Variants in DNM3 observed in about 807,000 individuals in gnomAD.
DNM3 encodes dynamin 3.
In DNM3, 47 loss-of-function variants were observed where a neutral mutation model predicts 101.6. The ratio of observed to expected loss-of-function variants is 0.46; its 90% CI spans 0.37 to 0.59. The LOEUF (loss-of-function observed/expected upper bound fraction) is 0.59, where lower values mean the gene tolerates loss of function less well. Among genes scored for constraint, DNM3 ranks in the 20% least tolerant of loss-of-function variants. DNM3 has a pLI of 0.00. For missense variants in DNM3, 849 were observed against 1,085.7 expected (o/e 0.78, Z 3.06); for synonymous variants, 385 against 387.9 (o/e 0.99, Z 0.09).
intron 17 of DNM3, among the ~76,000 whole-genome samples, chr1:172,357,277 G>A (rs1383595806): frequency 6.6e-6 from 1 of 151,990 alleles, no homozygotes; most frequent in African/African-American, 2.4e-5. Context: ...TCACCCGCAA[G>A]ATACTTATTA....
At chr1:172,139,194 C>A (rs2148140876) in intron 14 of DNM3, 1 of 291,760 alleles carries the variant, frequency 3.4e-6, no homozygotes, top group Non-Finnish European at 6.7e-6. Flanking sequence ...AAGTCCAATT[C>A]ATATTATTAC....
At chr1:171,944,297 G>A (rs949790022) in intron 2 of DNM3, among the ~76,000 whole-genome samples, 3 of 151,754 alleles carry the variant, frequency 2.0e-5, no homozygotes, top group Non-Finnish European at 4.4e-5. Flanking sequence ...AGATTGGGTT[G>A]GATTTAGCTC....
chr1:172,320,954 A>G (rs2065685348), intron 16 of DNM3, among the ~76,000 whole-genome samples: 1 of 152,190 alleles, frequency 6.6e-6, no homozygotes, highest in Non-Finnish European at 1.5e-5. Flanking sequence ...TATTAGCTGT[A>G]TATATAAGTG....
intron 17 of DNM3, among the ~76,000 whole-genome samples, chr1:172,343,210 G>A (rs1263113132): frequency 6.6e-6 from 1 of 152,154 alleles, no homozygotes; most frequent in Admixed American, 6.5e-5. Flanking sequence ...GAATAGAGAA[G>A]CTTTAACTAT....
At chr1:171,913,700 T>C (rs1038759137) in intron 1 of DNM3, among the ~76,000 whole-genome samples, 2 of 152,170 alleles carry the variant, frequency 1.3e-5, no homozygotes, top group African/African-American at 4.8e-5. Context: ...ATCTCCTTTC[T>C]TTTGCCTGTT....
chr1:172,359,368 A>C (rs2149004449), intron 17 of DNM3, among the ~76,000 whole-genome samples: 1 of 151,918 alleles, frequency 6.6e-6, no homozygotes, highest in Non-Finnish European at 1.5e-5. Context: ...TAGATTCCTC[A>C]ATCTATGTTT....
intron 15 of DNM3, among the ~76,000 whole-genome samples, chr1:172,300,756 G>A (rs2064406849): frequency 6.6e-6 from 1 of 152,228 alleles, no homozygotes; most frequent in Non-Finnish European, 1.5e-5. Context: ...GACCAATGAG[G>A]AGGCTATTGT....
rs2051002211 is a variant in DNM3, at chr1:172,059,773, T to G, written c.1336-9046T>G. 4.9e-5 allele frequency among the ~76,000 whole-genome samples: 7 copies of G among 142,870 alleles called. No homozygotes were observed. In the South Asian group the frequency reaches 1.6e-3, roughly 33 times the overall value. The allele number at this position is 142,870 out of a possible 152,430, so 93.7% of individuals were successfully genotyped here. A position where few individuals can be genotyped will look rare whatever the true frequency, so the allele number is the denominator to read the frequency against. On this transcript the variant is annotated intron_variant, in intron 10 of 20. Coordinates refer to ENST00000627582, the MANE Select transcript of DNM3 (RefSeq NM_015569.5). ...GGGCAAAAACTGGAAGCATTCCCTT[T>G]GAAAACTGTCACAAGACAGGGATGC...
chr1:171,932,355 G>C (rs1433566036), intron 2 of DNM3, among the ~76,000 whole-genome samples: 2 of 151,374 alleles, frequency 1.3e-5, no homozygotes, highest in African/African-American at 4.9e-5. Flanking sequence ...ATGTTGCTCA[G>C]GCTGGTCTTG....
chr1:172,380,972 A>T (rs540474622), intron 18 of DNM3: 1 of 150,752 alleles, frequency 6.6e-6, no homozygotes, highest in Non-Finnish European at 1.5e-5. Context: ...GACACAAATT[A>T]GCTAAAAGGA....
intron 11 of DNM3, among the ~76,000 whole-genome samples, chr1:172,069,465 T>C (rs975816511): frequency 3.3e-5 from 5 of 152,218 alleles, no homozygotes; most frequent in Non-Finnish European, 5.9e-5. Flanking sequence ...ATGTGGTTTG[T>C]AAGGAGTGAC....
chr1:172,229,640 G>A (rs1198420574), intron 14 of DNM3, among the ~76,000 whole-genome samples: 1 of 152,090 alleles, frequency 6.6e-6, no homozygotes, highest in Admixed American at 6.5e-5. Flanking sequence ...TTAATATTTT[G>A]TGAGAATGAT....
chr1:172,082,325 GT>G (rs57661109), intron 12 of DNM3, among the ~76,000 whole-genome samples: 9,289 of 136,772 alleles, frequency 0.068, 613 homozygotes, highest in African/African-American at 0.17. Context: ...CTAGAGGCCT[GT>G]TTTTTTTTTT....
intron 2 of DNM3, among the ~76,000 whole-genome samples, chr1:171,944,588 T>A (rs1016393477): frequency 2.6e-5 from 4 of 151,916 alleles, no homozygotes; most frequent in African/African-American, 9.7e-5. Flanking sequence ...CTGCACAGGC[T>A]GGTATCAAAC....
intron 2 of DNM3, among the ~76,000 whole-genome samples, chr1:171,948,503 G>A (rs2042303110): frequency 6.6e-6 from 1 of 152,148 alleles, no homozygotes; most frequent in Admixed American, 6.5e-5. Flanking sequence ...CAATGCCAAG[G>A]TGAAAATGTC....
At chr1:172,125,012 C>T (rs1195716642) in intron 13 of DNM3, among the ~76,000 whole-genome samples, 1 of 152,140 alleles carries the variant, frequency 6.6e-6, no homozygotes, top group Non-Finnish European at 1.5e-5. Flanking sequence ...CTTTCCTAAC[C>T]AACTGGGTGA....
chr1:172,216,740 TACACACAC>T (rs931201891), intron 14 of DNM3, among the ~76,000 whole-genome samples: 1 of 150,374 alleles, frequency 6.7e-6, no homozygotes, highest in African/African-American at 2.5e-5. Flanking sequence ...GTAGAGGGAA[TACACACAC>T]ACACATGCAC....
At chr1:172,060,305 C>A (rs1285892424) in intron 10 of DNM3, among the ~76,000 whole-genome samples, 3 of 115,026 alleles carry the variant, frequency 2.6e-5, no homozygotes, top group Non-Finnish European at 5.2e-5. Flanking sequence ...CCATCCCCAT[C>A]AAGCTACCAA....
chr1:171,939,853 AG>A (rs2125405488), intron 2 of DNM3, among the ~76,000 whole-genome samples: 1 of 152,246 alleles, frequency 6.6e-6, no homozygotes, highest in South Asian at 2.1e-4. Flanking sequence ...CAGAAATCAT[AG>A]ATCACAGATG....
Sources: allele counts gnomAD v4.1 joint callset (sites outside exome capture counted in the v4.1 genomes callset), GRCh38; gene constraint gnomAD v4.1.1; transcripts MANE v1.5; gene names NCBI Gene and HGNC (gene_info 2026-07-23, HGNC 2026-07-21).